Variants in MYT1L observed in about 807,000 individuals in gnomAD.
MYT1L encodes the protein myelin transcription factor 1-like protein.
Under a neutral mutation model 126.7 loss-of-function variants are expected in MYT1L, and 12 were observed. The observed-to-expected ratio is 0.09, with a 90% CI of 0.06 to 0.15. The LOEUF (loss-of-function observed/expected upper bound fraction) is 0.15, where lower values mean the gene tolerates loss of function less well. Ranked by LOEUF, MYT1L falls within the 10% of genes least tolerant of loss-of-function variation. MYT1L has a pLI of 1.00. For synonymous variants in MYT1L, 541 were observed against 604.2 expected (o/e 0.90, Z 1.53); for missense variants, 979 against 1,585.2 (o/e 0.62, Z 6.49).
At chr2:2,269,385 A>G (rs1272737875) in intron 2 of MYT1L, among the ~76,000 whole-genome samples, 1 of 152,194 alleles carries the variant, frequency 6.6e-6, no homozygotes, top group Admixed American at 6.5e-5. Flanking sequence ...GCACCGCAAT[A>G]GCATCTCTCA....
chr2:1,963,381 G>A (rs1248200115), intron 8 of MYT1L, among the ~76,000 whole-genome samples: 2 of 152,130 alleles, frequency 1.3e-5, no homozygotes, highest in African/African-American at 2.4e-5. Flanking sequence ...ATTCTTAAGG[G>A]CCTTAGAATT....
intron 2 of MYT1L, among the ~76,000 whole-genome samples, chr2:2,233,016 G>T (rs1017127517): frequency 6.6e-6 from 1 of 152,168 alleles, no homozygotes; most frequent in Admixed American, 6.5e-5. Context: ...ATGTAAAAAC[G>T]TTCAGGAAGC....
intron 18 of MYT1L, among the ~76,000 whole-genome samples, chr2:1,854,155 G>C (rs2043623138): frequency 1.3e-5 from 2 of 152,096 alleles, no homozygotes; most frequent in Non-Finnish European, 2.9e-5. Flanking sequence ...GATGACTCTT[G>C]CTGCATTTCT....
At chr2:1,829,936 C>T (rs534505035) in intron 21 of MYT1L, among the ~76,000 whole-genome samples, 2 of 152,218 alleles carry the variant, frequency 1.3e-5, no homozygotes, top group African/African-American at 4.8e-5. Flanking sequence ...AGACTTAAAT[C>T]TCCTCTTATA....
At chr2:2,247,934 G>A (rs1330097821) in intron 2 of MYT1L, among the ~76,000 whole-genome samples, 4 of 151,706 alleles carry the variant, frequency 2.6e-5, no homozygotes, top group Non-Finnish European at 5.9e-5. Flanking sequence ...CATCGAAAAA[G>A]AAGAAAAACT....
Position 2,289,635 on chromosome 2 carries a change from T to A in MYT1L, c.-520-5132A>T, listed in dbSNP as rs553878972. On this transcript the variant is annotated intron_variant, in intron 1 of 24. Transcript: ENST00000647738. ...GAAGAGCCCTTGTACCACTGCTTGA[T>A]CTTCTGCAAACAAATGTTAACTCCC... is the stretch of plus-strand genomic sequence containing the variant. Among the ~76,000 whole-genome samples the A allele has an allele frequency of 2.0e-5, 3 of 152,316 alleles. No homozygotes were observed. The South Asian group carries it at 6.2e-4, about 32-fold the overall frequency.
chr2:2,260,963 A>G (rs1259422709), intron 2 of MYT1L, among the ~76,000 whole-genome samples: 1 of 152,218 alleles, frequency 6.6e-6, no homozygotes, highest in Non-Finnish European at 1.5e-5. Flanking sequence ...CACTACTCTC[A>G]GGAGCCTGTC....
intron 3 of MYT1L, among the ~76,000 whole-genome samples, chr2:2,119,553 C>T (rs1156312060): frequency 6.6e-6 from 1 of 152,178 alleles, no homozygotes; most frequent in Non-Finnish European, 1.5e-5. Flanking sequence ...TTTCCATTTT[C>T]CGTAAGAAAA....
At chr2:2,262,592 C>A (rs56028047) in intron 2 of MYT1L, among the ~76,000 whole-genome samples, 1 of 148,946 alleles carries the variant, frequency 6.7e-6, no homozygotes, top group African/African-American at 2.5e-5. Context: ...ACTCAGGAGG[C>A]TGAGGCAGCA....
chr2:2,163,588 G>T (rs573784353), intron 3 of MYT1L, among the ~76,000 whole-genome samples: 8 of 151,500 alleles, frequency 5.3e-5, no homozygotes, highest in Non-Finnish European at 1.5e-5. Context: ...AAAAATTAGC[G>T]GGGTGCGGTG....
intron 3 of MYT1L, among the ~76,000 whole-genome samples, chr2:2,082,883 A>G (rs1030116241): frequency 6.6e-6 from 1 of 152,070 alleles, no homozygotes; most frequent in Non-Finnish European, 1.5e-5. Flanking sequence ...CCAAGACCTC[A>G]TGCCTGACTA....
At chr2:1,944,436 G>T (rs1573835386) in intron 8 of MYT1L, among the ~76,000 whole-genome samples, 1 of 152,300 alleles carries the variant, frequency 6.6e-6, no homozygotes, top group East Asian at 1.9e-4. Context: ...TGCAGAACGA[G>T]ATGTGTGGCC....
chr2:2,063,552 A>T (rs796751093), intron 3 of MYT1L, among the ~76,000 whole-genome samples: 4 of 152,336 alleles, frequency 2.6e-5, no homozygotes, highest in African/African-American at 9.6e-5. Context: ...TGGATTAAAA[A>T]AAAGAACATG....
chr2:1,938,916 T>C (rs1339397713), intron 9 of MYT1L, among the ~76,000 whole-genome samples: 1 of 152,248 alleles, frequency 6.6e-6, no homozygotes, highest in Non-Finnish European at 1.5e-5. Context: ...TGGGTTCCTA[T>C]TGTAATAATC....
chr2:2,256,281 G>A (rs1015194713), intron 2 of MYT1L, among the ~76,000 whole-genome samples: 1 of 152,228 alleles, frequency 6.6e-6, no homozygotes, highest in Non-Finnish European at 1.5e-5. Context: ...ACACCTGAAA[G>A]GTAAAACTAT....
chr2:2,305,067 T>C (rs1256171058), intron 1 of MYT1L, among the ~76,000 whole-genome samples: 1 of 152,236 alleles, frequency 6.6e-6, no homozygotes, highest in Non-Finnish European at 1.5e-5. Flanking sequence ...TATATTGGGC[T>C]AAATAAAACA....
intron 8 of MYT1L, among the ~76,000 whole-genome samples, chr2:1,978,287 C>T (rs1443238889): frequency 1.3e-5 from 2 of 152,198 alleles, no homozygotes; most frequent in Non-Finnish European, 2.9e-5. Flanking sequence ...TGGGTCTGCT[C>T]ACTGAGGGTT....
chr2:2,316,706 C>T (rs2096070040), intron 1 of MYT1L, among the ~76,000 whole-genome samples: 1 of 152,170 alleles, frequency 6.6e-6, no homozygotes, highest in African/African-American at 2.4e-5. Context: ...ATTCTGGTTA[C>T]AAAATGTATA....
intron 2 of MYT1L, among the ~76,000 whole-genome samples, chr2:2,234,571 T>C (rs1158391369): frequency 6.6e-6 from 1 of 152,178 alleles, no homozygotes; most frequent in Non-Finnish European, 1.5e-5. Flanking sequence ...GCAGCTCAAG[T>C]TGGCAACGCT....
Sources: gnomAD v4.1 joint callset for allele counts (sites outside exome capture counted in the v4.1 genomes callset) on GRCh38, gnomAD v4.1.1 for gene constraint, MANE v1.5 for transcripts, NCBI Gene and HGNC (gene_info 2026-07-23, HGNC 2026-07-21) for gene names.